Variants in DDX10 observed in about 807,000 individuals in gnomAD.
DDX10 encodes DEAD-box helicase 10.
In DDX10, 74 loss-of-function variants were observed where a neutral mutation model predicts 104.3. The ratio of observed to expected loss-of-function variants is 0.71; its 90% confidence interval spans 0.59 to 0.86. The LOEUF is 0.86. DDX10 is among the 40% of genes least tolerant of loss of function. The pLI is 0.00. For synonymous variants in DDX10, 351 were observed against 353.4 expected (o/e 0.99, Z 0.08); for missense variants, 952 against 1,040.0 (o/e 0.92, Z 1.16).
rs185524711 is a variant in DDX10, at chr11:108,930,505, A to G, written c.2451-9741A>G. ...ATAAGTTTTCAGCTCCTTTGGGTAAATATCAAAGGGCATGACAGCTAGATC... is the reference window on the plus strand; with the variant it reads ...ATAAGTTTTCAGCTCCTTTGGGTAAGTATCAAAGGGCATGACAGCTAGATC... On this transcript the variant is annotated intron_variant, in intron 17 of 17. Transcript: ENST00000322536. Among the ~76,000 whole-genome samples the G allele has an allele frequency of 6.5e-3, 996 of 152,290 alleles. 9 individuals carry two copies. The highest frequency in any genetic ancestry group is 6.8e-3 in the Middle Eastern group (2 of 294).
At chr11:108,733,362 A>G (rs970027822) in intron 13 of DDX10, among the ~76,000 whole-genome samples, 3 of 152,092 alleles carry the variant, frequency 2.0e-5, no homozygotes, top group African/African-American at 7.2e-5. Flanking sequence ...TGTGTTAGGT[A>G]CTTAGTGACT....
chr11:108,925,726 G>T (rs1190605141), intron 17 of DDX10, among the ~76,000 whole-genome samples: 2 of 152,100 alleles, frequency 1.3e-5, no homozygotes, highest in Non-Finnish European at 2.9e-5. Flanking sequence ...GTTATTACAA[G>T]TAATTTTAAT....
chr11:108,710,446 A>G (rs2094282746), intron 10 of DDX10, among the ~76,000 whole-genome samples: 2 of 151,778 alleles, frequency 1.3e-5, no homozygotes, highest in Non-Finnish European at 2.9e-5. Context: ...GTTTTCCCTT[A>G]AAACTTTTTT....
chr11:108,783,863 T>A (rs936051270), intron 13 of DDX10, among the ~76,000 whole-genome samples: 3 of 152,210 alleles, frequency 2.0e-5, no homozygotes, highest in African/African-American at 7.2e-5. Flanking sequence ...CTCATCGTTA[T>A]GTCTGTGTGT....
chr11:108,922,681 T>A (rs893693256), intron 17 of DDX10, among the ~76,000 whole-genome samples: 1 of 152,272 alleles, frequency 6.6e-6, no homozygotes, highest in Admixed American at 6.5e-5. Context: ...ATCAGAATTG[T>A]TATCTCCAGC....
chr11:108,806,500 A>C (rs1016106494), intron 13 of DDX10, among the ~76,000 whole-genome samples: 2 of 152,196 alleles, frequency 1.3e-5, no homozygotes, highest in Non-Finnish European at 2.9e-5. Context: ...GAGCCAGAGA[A>C]TGACAGTAAT....
At chr11:108,726,141 T>C (rs2094305179) in intron 13 of DDX10, among the ~76,000 whole-genome samples, 1 of 152,082 alleles carries the variant, frequency 6.6e-6, no homozygotes, top group Non-Finnish European at 1.5e-5. Context: ...AGTGTAGCTT[T>C]ATACTAAGTC....
chr11:108,669,823 GA>G (rs1306077667), intron 1 of DDX10, among the ~76,000 whole-genome samples: 1 of 152,290 alleles, frequency 6.6e-6, no homozygotes, highest in East Asian at 1.9e-4. Context: ...GAAAGACTTG[GA>G]GTCTGTTGCT....
chr11:108,690,606 G>T (rs1244170959), intron 7 of DDX10: 2 of 155,734 alleles, frequency 1.3e-5, no homozygotes, highest in Non-Finnish European at 2.9e-5. Context: ...ACCCGTATCA[G>T]TGTGGCCATT....
chr11:108,852,525 G>A (rs996583583), intron 16 of DDX10, among the ~76,000 whole-genome samples: 2 of 152,200 alleles, frequency 1.3e-5, no homozygotes, highest in African/African-American at 4.8e-5. Flanking sequence ...ACAAAAGGCA[G>A]TTGACTCTGT....
At chr11:108,803,581 CG>C (rs1862054984) in intron 13 of DDX10, among the ~76,000 whole-genome samples, 1 of 32,852 alleles carries the variant, frequency 3.0e-5, no homozygotes, top group Non-Finnish European at 6.5e-5. Context: ...GCAACAAGAG[CG>C]AAAAAAAAAA....
At chr11:108,770,454 A>G (rs966049602) in intron 13 of DDX10, among the ~76,000 whole-genome samples, 3 of 150,482 alleles carry the variant, frequency 2.0e-5, no homozygotes, top group Non-Finnish European at 3.0e-5. Flanking sequence ...ATTCTTTCTA[A>G]CCACTTTTTT....
intron 13 of DDX10, 120 bp from the exon 14 acceptor site, chr11:108,838,326 C>G: frequency 9.4e-7 from 1 of 1,059,738 alleles, no homozygotes; most frequent in African/African-American, 1.6e-5. Context: ...TTCAATGCTT[C>G]TCATTAGCCA....
chr11:108,709,461 T>C (rs73005539), intron 10 of DDX10, among the ~76,000 whole-genome samples: 18,700 of 152,282 alleles, frequency 0.12, 1,566 homozygotes, highest in East Asian at 0.27. Flanking sequence ...GATTCAATTT[T>C]TTTAATAGAT....
At chr11:108,725,327 A>G (rs2094304022) in intron 13 of DDX10, among the ~76,000 whole-genome samples, 1 of 151,992 alleles carries the variant, frequency 6.6e-6, no homozygotes, top group Non-Finnish European at 1.5e-5. Context: ...GAGTGGGGTT[A>G]TTTTCTAGGA....
At chr11:108,740,927 A>G (rs1326019832) in intron 13 of DDX10, among the ~76,000 whole-genome samples, 3 of 152,064 alleles carry the variant, frequency 2.0e-5, no homozygotes, top group Non-Finnish European at 4.4e-5. Context: ...CAGGGTTTTT[A>G]TAGTTTCAGG....
intron 13 of DDX10, among the ~76,000 whole-genome samples, chr11:108,729,156 A>C (rs1447497392): frequency 6.6e-6 from 1 of 152,020 alleles, no homozygotes; most frequent in East Asian, 1.9e-4. Flanking sequence ...TTTACCCCCA[A>C]ATGATTACCG....
chr11:108,758,299 A>G (rs933956465), intron 13 of DDX10, among the ~76,000 whole-genome samples: 4 of 152,126 alleles, frequency 2.6e-5, no homozygotes, highest in African/African-American at 7.2e-5. Flanking sequence ...ATCTCAGTCT[A>G]TAAGAGATCT....
intron 16 of DDX10, among the ~76,000 whole-genome samples, chr11:108,858,833 A>G (rs1862904505): frequency 6.6e-6 from 1 of 152,152 alleles, no homozygotes; most frequent in Non-Finnish European, 1.5e-5. Context: ...ATGGTACTGT[A>G]TGGGTGGTAA....
Sources: gnomAD v4.1 joint callset for allele counts (sites outside exome capture counted in the v4.1 genomes callset) on GRCh38, gnomAD v4.1.1 for gene constraint, MANE v1.5 for transcripts, NCBI Gene and HGNC (gene_info 2026-07-23, HGNC 2026-07-21) for gene names.